The following SIK3 variants were observed in gnomAD, a reference collection of about 807,000 sequenced individuals.
The protein encoded by SIK3 is SIK family kinase 3.
A neutral mutation model predicts 144.2 loss-of-function variants in SIK3; 28 were observed. The ratio of observed to expected loss-of-function variants is 0.19; its 90% CI spans 0.14 to 0.27. The LOEUF is 0.27. SIK3 is among the 10% of genes least tolerant of loss of function. SIK3 has a pLI of 1.00. For missense variants in SIK3, 1,319 were observed against 1,776.0 expected, an observed-to-expected ratio of 0.74 and a Z score of 4.62; for synonymous variants, 686 against 676.3, an observed-to-expected ratio of 1.01 and a Z score of -0.22.
At chr11:117,010,936 A>G (rs112270896) in intron 1 of SIK3, among the ~76,000 whole-genome samples, 5,830 of 152,166 alleles carry the variant, frequency 0.038, 340 homozygotes, top group African/African-American at 0.13. Context: ...CCTGGCCAAC[A>G]TGGACAGATC....
chr11:116,864,628 T>TA (rs1197793739), intron 15 of SIK3: 1 of 152,270 alleles, frequency 6.6e-6, no homozygotes, highest in African/African-American at 2.4e-5. Flanking sequence ...AGCTAACACC[T>TA]ACTCTTGTGA....
intron 1 of SIK3, among the ~76,000 whole-genome samples, chr11:117,084,212 G>A (rs1158708204): frequency 3.9e-5 from 6 of 152,224 alleles, no homozygotes; most frequent in African/African-American, 1.4e-4. Context: ...AATAACAGCT[G>A]TCTCTTACTC....
intron 6 of SIK3, among the ~76,000 whole-genome samples, chr11:116,895,717 G>A (rs558843530): frequency 2.6e-5 from 4 of 152,150 alleles, no homozygotes; most frequent in South Asian, 2.1e-4. Flanking sequence ...CTGCCCACTC[G>A]TTAAATAAAA....
chr11:116,934,438 G>A (rs977000625), intron 3 of SIK3, among the ~76,000 whole-genome samples: 2 of 152,084 alleles, frequency 1.3e-5, no homozygotes, highest in African/African-American at 4.8e-5. Context: ...TAACATATAT[G>A]ACCTGTCTTC....
chr11:116,866,615 T>G (rs896135886), intron 15 of SIK3, among the ~76,000 whole-genome samples: 9 of 152,130 alleles, frequency 5.9e-5, no homozygotes, highest in Non-Finnish European at 1.2e-4. Flanking sequence ...CTAATTTTTG[T>G]ATTTTTAGTA....
intron 1 of SIK3, among the ~76,000 whole-genome samples, chr11:117,081,343 G>A (rs1954775310): frequency 6.6e-6 from 1 of 152,112 alleles, no homozygotes; most frequent in South Asian, 2.1e-4. Flanking sequence ...GAGGCTAGAG[G>A]CCGGGCGCAG....
intron 1 of SIK3, among the ~76,000 whole-genome samples, chr11:116,965,431 T>C (rs921124804): frequency 2.6e-5 from 4 of 151,786 alleles, no homozygotes; most frequent in African/African-American, 9.7e-5. Context: ...AAAATAAAGG[T>C]CAATCAGGAT....
intron 1 of SIK3, among the ~76,000 whole-genome samples, chr11:116,973,481 T>C (rs1420547525): frequency 1.1e-4 from 16 of 152,204 alleles, no homozygotes; most frequent in Non-Finnish European, 2.1e-4. Flanking sequence ...AGCTCTCCAC[T>C]GGAAAAGTAA....
rs777093403 is a variant in SIK3, at chr11:117,065,151, AAATAAT to A, written c.273+32986_273+32991del. Among the ~76,000 whole-genome samples the A allele has an allele frequency of 5.5e-4, 82 of 149,970 alleles. 1 individual carries two copies. The highest frequency in any genetic ancestry group is 1.9e-3 in the African/African-American group (80 of 41,036). ...GTGACACAGGGAGACTCCATCTCAA[AAATAAT>A]AATAATAATAATAATAACAATAATA... On this transcript the variant is annotated intron_variant, in intron 1 of 24. Transcript: ENST00000445177.
chr11:116,904,545 T>C (rs1183836772), intron 4 of SIK3, among the ~76,000 whole-genome samples: 8 of 152,200 alleles, frequency 5.3e-5, no homozygotes, highest in Non-Finnish European at 1.0e-4. Context: ...ATGAATTTAT[T>C]ATAACCTTTG....
chr11:116,933,396 C>T (rs538239677), intron 3 of SIK3, among the ~76,000 whole-genome samples: 1 of 152,288 alleles, frequency 6.6e-6, no homozygotes, highest in South Asian at 2.1e-4. Context: ...GCCTCAGCCC[C>T]CCAAAGTGCT....
intron 1 of SIK3, among the ~76,000 whole-genome samples, chr11:117,041,030 T>C (rs1952720494): frequency 6.6e-6 from 1 of 150,566 alleles, no homozygotes. Flanking sequence ...TTATTAACTA[T>C]AGCCCTCATG....
chr11:116,884,531 T>G (rs1203383017), intron 6 of SIK3, among the ~76,000 whole-genome samples: 3 of 152,180 alleles, frequency 2.0e-5, no homozygotes, highest in African/African-American at 7.2e-5. Flanking sequence ...AGCTAATTTT[T>G]TGTATTTTTA....
intron 7 of SIK3, 106 bp from the exon 8 acceptor site, chr11:116,876,469 T>A (rs1258219469): frequency 9.7e-6 from 9 of 928,788 alleles, no homozygotes; most frequent in African/African-American, 1.6e-5. Flanking sequence ...GCTTGGGATA[T>A]TTTTGGCCTC....
At chr11:117,001,115 C>T (rs982803143) in intron 1 of SIK3, among the ~76,000 whole-genome samples, 6 of 152,256 alleles carry the variant, frequency 3.9e-5, no homozygotes, top group East Asian at 1.9e-4. Flanking sequence ...GGCGATAGCA[C>T]GGAAACCTTC....
intron 4 of SIK3, among the ~76,000 whole-genome samples, chr11:116,909,318 G>GA (rs200905431): frequency 0.012 from 1,598 of 135,710 alleles, 15 homozygotes; most frequent in African/African-American, 0.033. Context: ...ACTACTAAAA[G>GA]AAAAAAAAAA....
intron 6 of SIK3, among the ~76,000 whole-genome samples, chr11:116,884,449 T>C (rs957125924): frequency 6.7e-6 from 1 of 149,790 alleles, no homozygotes; most frequent in African/African-American, 2.5e-5. Context: ...CGGGTTCAAA[T>C]GATTATCCTG....
intron 4 of SIK3, among the ~76,000 whole-genome samples, chr11:116,913,514 C>T (rs1946450453): frequency 6.6e-6 from 1 of 150,802 alleles, no homozygotes; most frequent in African/African-American, 2.5e-5. Flanking sequence ...CCCCAAACAC[C>T]TCCTCAATAT....
chr11:116,934,343 G>T (rs1411400522), intron 3 of SIK3, among the ~76,000 whole-genome samples: 2 of 152,108 alleles, frequency 1.3e-5, no homozygotes, highest in African/African-American at 4.8e-5. Flanking sequence ...CTGAACCTTA[G>T]ATTTTATTAG....
Sources: allele counts gnomAD v4.1 joint callset (sites outside exome capture counted in the v4.1 genomes callset), GRCh38; gene constraint gnomAD v4.1.1; transcripts MANE v1.5; gene names NCBI Gene and HGNC (gene_info 2026-07-23, HGNC 2026-07-21).